ZNG1B: variants seen among roughly 807,000 people sequenced by gnomAD.
ZNG1B encodes the protein zinc-regulated GTPase metalloprotein activator 1B.
At chr2:113,439,676 C>G in the ZNG1B span, among the ~76,000 whole-genome samples, 3 of 152,144 alleles carry the variant, frequency 2.0e-5, no homozygotes, top group Non-Finnish European at 2.9e-5. Flanking sequence ...ATTGGCCCCG[C>G]ACAATGAACT....
chr2:113,455,619 G>A, the ZNG1B span: 3 of 1,286,976 alleles, frequency 2.3e-6, no homozygotes, highest in Middle Eastern at 6.5e-4. Context: ...TTCCCAATCT[G>A]AGCATATGGA....
the ZNG1B span, among the ~76,000 whole-genome samples, chr2:113,438,285 C>G: frequency 6.6e-6 from 1 of 152,198 alleles, no homozygotes; most frequent in African/African-American, 2.4e-5. Context: ...CGCTAAGACA[C>G]GCCCCCCTGA....
chr2:113,490,377 G>A, the ZNG1B span, among the ~76,000 whole-genome samples: 14 of 151,364 alleles, frequency 9.2e-5, no homozygotes, highest in African/African-American at 3.2e-4. Context: ...GAAAGTTCAT[G>A]GCCCTCAATG....
chr2:113,445,792 CATT>C, the ZNG1B span, among the ~76,000 whole-genome samples: 1 of 126,170 alleles, frequency 7.9e-6, no homozygotes. Context: ...TGACCCATAC[CATT>C]ATTTTTTTTT....
the ZNG1B span, among the ~76,000 whole-genome samples, chr2:113,477,300 C>T: frequency 6.6e-6 from 1 of 152,150 alleles, no homozygotes; most frequent in Non-Finnish European, 1.5e-5. Flanking sequence ...GTCTGTCACC[C>T]CTTTCTTTGA....
At chr2:113,456,050 T>TC in the ZNG1B span, among the ~76,000 whole-genome samples, 3 of 151,904 alleles carry the variant, frequency 2.0e-5, no homozygotes, top group Non-Finnish European at 2.9e-5. Context: ...TGCTTTTTTT[T>TC]CCCAAATCTT....
At chr2:113,446,578 C>G in the ZNG1B span, among the ~76,000 whole-genome samples, 1 of 151,592 alleles carries the variant, frequency 6.6e-6, no homozygotes, top group East Asian at 2.0e-4. Context: ...GAAATCCAGT[C>G]TCTACTGAAA....
chr2:113,489,199 T>C, the ZNG1B span, among the ~76,000 whole-genome samples: 12 of 151,100 alleles, frequency 7.9e-5, no homozygotes, highest in Non-Finnish European at 1.5e-4. Flanking sequence ...TGGAACCCTA[T>C]CTTCAGCCTC....
the ZNG1B span, among the ~76,000 whole-genome samples, chr2:113,479,052 C>G: frequency 6.6e-6 from 1 of 151,660 alleles, no homozygotes. Flanking sequence ...TTTCGGAGTA[C>G]CTGGAAAAAA....
chr2:113,460,374 C>T, the ZNG1B span, among the ~76,000 whole-genome samples: 72 of 152,038 alleles, frequency 4.7e-4, no homozygotes, highest in African/African-American at 6.5e-4. Context: ...GTTTTTATGA[C>T]GTTATGTGAA....
At chr2:113,473,237 T>G in the ZNG1B span, among the ~76,000 whole-genome samples, 1 of 151,828 alleles carries the variant, frequency 6.6e-6, no homozygotes, top group Non-Finnish European at 1.5e-5. Context: ...TATTTTATTC[T>G]CTTTGAAGCA....
At chr2:113,460,524 A>G in the ZNG1B span, 50 of 1,218,072 alleles carry the variant, frequency 4.1e-5, no homozygotes, top group Non-Finnish European at 5.5e-5. Flanking sequence ...TTAGCTAGAA[A>G]AGTTAGTTTT....
At chr2:113,463,712 G>C in the ZNG1B span, among the ~76,000 whole-genome samples, 1 of 151,566 alleles carries the variant, frequency 6.6e-6, no homozygotes, top group African/African-American at 2.4e-5. Context: ...TCTGTAAAAG[G>C]CATAATGCCT....
the ZNG1B span, chr2:113,462,284 A>T: frequency 1.0e-6 from 1 of 1,003,204 alleles, no homozygotes; most frequent in Non-Finnish European, 1.4e-6. Flanking sequence ...CTTAACTGAT[A>T]TATTGATCTA....
At chr2:113,486,017 A>G in the ZNG1B span, among the ~76,000 whole-genome samples, 1 of 139,060 alleles carries the variant, frequency 7.2e-6, no homozygotes, top group African/African-American at 2.8e-5. Context: ...CAAAAACTGG[A>G]AAAAAAAAGT....
chr2:113,457,669 A>G, the ZNG1B span, among the ~76,000 whole-genome samples: 1 of 148,716 alleles, frequency 6.7e-6, no homozygotes, highest in Non-Finnish European at 1.5e-5. Flanking sequence ...AGTAAAAATT[A>G]TATATATTTA....
chr2:113,461,999 TA>T, the ZNG1B span, among the ~76,000 whole-genome samples: 1 of 152,138 alleles, frequency 6.6e-6, no homozygotes, highest in African/African-American at 2.4e-5. Flanking sequence ...AGTATTTTAG[TA>T]GGTAAACTCT....
the ZNG1B span, among the ~76,000 whole-genome samples, chr2:113,477,476 C>T: frequency 6.6e-6 from 1 of 152,314 alleles, no homozygotes; most frequent in Non-Finnish European, 1.5e-5. Context: ...AATCGCCTGT[C>T]TTCTGCGTCT....
chr2:113,443,486 A>G, the ZNG1B span, among the ~76,000 whole-genome samples: 1 of 151,176 alleles, frequency 6.6e-6, no homozygotes, highest in South Asian at 2.1e-4. Context: ...TAGCTACTTT[A>G]TTAAGAAATG....
Sources: gnomAD v4.1 joint callset for allele counts (sites outside exome capture counted in the v4.1 genomes callset) on GRCh38, gnomAD v4.1.1 for gene constraint, MANE v1.5 for transcripts, NCBI Gene and HGNC (gene_info 2026-07-23, HGNC 2026-07-21) for gene names.